Variants in NAV3 observed in about 807,000 individuals in gnomAD.
NAV3 encodes neuron navigator 3, also known as pore membrane and/or filament interacting like protein 1.
In NAV3, 87 loss-of-function variants were observed where a neutral mutation model predicts 244.7. The ratio of observed to expected loss-of-function variants is 0.36; its 90% CI spans 0.30 to 0.42. The LOEUF is 0.42. Among genes scored for constraint, NAV3 ranks in the 20% least tolerant of loss-of-function variants. The pLI is 1.00. For synonymous variants in NAV3, 1,126 were observed against 1,042.2 expected (o/e 1.08, Z -1.55); for missense variants, 2,663 against 2,893.3 (o/e 0.92, Z 1.83).
chr12:78,136,427 CTT>C (rs1421187265), intron 18 of NAV3, among the ~76,000 whole-genome samples: 2 of 152,100 alleles, frequency 1.3e-5, no homozygotes, highest in South Asian at 4.1e-4. Flanking sequence ...GGTGAGGACT[CTT>C]TGGCAATAAG....
chr12:77,654,356 T>C (rs372868311), intron 2 of NAV3, among the ~76,000 whole-genome samples: 18 of 152,284 alleles, frequency 1.2e-4, no homozygotes, highest in East Asian at 3.9e-4. Context: ...TGATTGCTAG[T>C]ACAGCAGTCT....
chr12:77,978,309 C>T (rs1868882255), intron 5 of NAV3, among the ~76,000 whole-genome samples: 1 of 152,028 alleles, frequency 6.6e-6, no homozygotes, highest in Non-Finnish European at 1.5e-5. Context: ...AGCTGTGACT[C>T]ATGATAACTA....
chr12:77,913,254 A>G (rs1483541380), intron 1 of NAV3, among the ~76,000 whole-genome samples: 2 of 152,140 alleles, frequency 1.3e-5, no homozygotes, highest in Non-Finnish European at 2.9e-5. Flanking sequence ...TGCCTAGTAC[A>G]TGGTTAAATA....
intron 2 of NAV3, among the ~76,000 whole-genome samples, chr12:77,603,844 A>G (rs73133976): frequency 2.3e-3 from 357 of 152,104 alleles, no homozygotes; most frequent in South Asian, 0.011. Flanking sequence ...ACAAAGGGAG[A>G]TGCTTAAGTT....
chr12:78,096,171 T>C (rs995661638), intron 12 of NAV3, among the ~76,000 whole-genome samples: 5 of 152,164 alleles, frequency 3.3e-5, no homozygotes, highest in Admixed American at 1.3e-4. Flanking sequence ...CAACACCTCA[T>C]AGGATATGTC....
intron 2 of NAV3, among the ~76,000 whole-genome samples, chr12:77,596,479 G>A (rs1049894520): frequency 8.6e-5 from 13 of 151,786 alleles, no homozygotes; most frequent in African/African-American, 4.8e-5. Flanking sequence ...CTAAAATATC[G>A]AGTAAAATTG....
At chr12:77,689,179 T>C (rs1311630945) in intron 2 of NAV3, among the ~76,000 whole-genome samples, 1 of 151,940 alleles carries the variant, frequency 6.6e-6, no homozygotes, top group Non-Finnish European at 1.5e-5. Context: ...CTGCTGAAAT[T>C]GCCTCTTTTC....
intron 2 of NAV3, among the ~76,000 whole-genome samples, chr12:77,640,109 C>T (rs1319661488): frequency 6.6e-6 from 1 of 152,120 alleles, no homozygotes; most frequent in Non-Finnish European, 1.5e-5. Flanking sequence ...CTGTTATACA[C>T]ATGTAGTTTG....
At chr12:77,593,113 A>G (rs1211118390) in intron 2 of NAV3, among the ~76,000 whole-genome samples, 2 of 152,164 alleles carry the variant, frequency 1.3e-5, no homozygotes, top group African/African-American at 4.8e-5. Context: ...CTTTCAGGGA[A>G]GAGTGGGCCT....
chr12:78,102,909 C>G (rs1371861201), intron 12 of NAV3, among the ~76,000 whole-genome samples: 1 of 152,114 alleles, frequency 6.6e-6, no homozygotes, highest in African/African-American at 2.4e-5. Context: ...GCCCAGCCCT[C>G]AAAATCATTT....
At chr12:77,925,851 A>G (rs1184525828) in intron 1 of NAV3, among the ~76,000 whole-genome samples, 1 of 152,182 alleles carries the variant, frequency 6.6e-6, no homozygotes, top group Non-Finnish European at 1.5e-5. Flanking sequence ...GACAGATCTC[A>G]CCAATATGTT....
intron 2 of NAV3, among the ~76,000 whole-genome samples, chr12:77,727,988 A>AT (rs112745297): frequency 9.9e-4 from 147 of 149,160 alleles, no homozygotes; most frequent in African/African-American, 3.2e-3. Flanking sequence ...CCTCATCAGT[A>AT]TTTTTTTTTT....
intron 1 of NAV3, among the ~76,000 whole-genome samples, chr12:77,855,186 T>A (rs557556031): frequency 6.6e-6 from 1 of 152,272 alleles, no homozygotes; most frequent in South Asian, 2.1e-4. Context: ...TCCTAAAGAA[T>A]TCAGGTGGAG....
chr12:77,754,157 G>A (rs1565799541), intron 2 of NAV3, among the ~76,000 whole-genome samples: 1 of 151,994 alleles, frequency 6.6e-6, no homozygotes, highest in African/African-American at 2.4e-5. Flanking sequence ...AATAATGAGC[G>A]AACCTTTCTT....
chr12:78,150,665 ACACACATACACACACATACG>A (rs1220852786), intron 22 of NAV3, among the ~76,000 whole-genome samples: 1 of 146,944 alleles, frequency 6.8e-6, no homozygotes, highest in African/African-American at 2.7e-5. Flanking sequence ...ACACACACAC[ACACACATACACACACATACG>A]GAACCAAATT....
At chr12:78,124,250 T>C (rs540395218) in intron 16 of NAV3, among the ~76,000 whole-genome samples, 10 of 152,300 alleles carry the variant, frequency 6.6e-5, no homozygotes, top group African/African-American at 1.7e-4. Flanking sequence ...CAAAACTAGA[T>C]GAAAGATTGG....
At chr12:77,626,594 T>C (rs1565742631) in intron 2 of NAV3, among the ~76,000 whole-genome samples, 1 of 151,972 alleles carries the variant, frequency 6.6e-6, no homozygotes, top group African/African-American at 2.4e-5. Flanking sequence ...CAGACCAACA[T>C]GGATTTTTCA....
At chr12:77,993,281 C>T (rs1871759139) in intron 5 of NAV3, among the ~76,000 whole-genome samples, 1 of 152,134 alleles carries the variant, frequency 6.6e-6, no homozygotes, top group Admixed American at 6.5e-5. Context: ...GTAGGGTAGA[C>T]ATAGTGGTAA....
At chr12:77,841,716 T>G (rs1875681641) in intron 1 of NAV3, among the ~76,000 whole-genome samples, 1 of 152,198 alleles carries the variant, frequency 6.6e-6, no homozygotes, top group African/African-American at 2.4e-5. Flanking sequence ...TTGCAAAGAC[T>G]AACATATATA....
Sources: allele counts gnomAD v4.1 joint callset (sites outside exome capture counted in the v4.1 genomes callset), GRCh38; gene constraint gnomAD v4.1.1; transcripts MANE v1.5; gene names NCBI Gene and HGNC (gene_info 2026-07-23, HGNC 2026-07-21).